SPIDR: variants seen among roughly 807,000 people sequenced by gnomAD.
The protein encoded by SPIDR is scaffold protein involved in DNA repair.
Under a neutral mutation model 104.6 loss-of-function variants are expected in SPIDR, and 93 were observed. That is an observed-to-expected ratio of 0.89 (90% confidence interval 0.75 to 1.06). The LOEUF (loss-of-function observed/expected upper bound fraction) is 1.06, where lower values mean the gene tolerates loss of function less well. Among genes scored for constraint, SPIDR ranks in the 50% least tolerant of loss-of-function variants. The probability of loss-of-function intolerance (pLI) is 0.00; values close to 1 mark genes in which losing one functional copy is unlikely to be tolerated. For synonymous variants in SPIDR, 431 were observed against 416.9 expected (o/e 1.03, Z -0.41); for missense variants, 1,154 against 1,111.2 (o/e 1.04, Z -0.55).
intron 5 of SPIDR, among the ~76,000 whole-genome samples, chr8:47,305,932 T>C (rs960792018): frequency 6.6e-6 from 1 of 152,200 alleles, no homozygotes; most frequent in African/African-American, 2.4e-5. Flanking sequence ...AGAACTCTTT[T>C]CATCTTGTAA....
intron 10 of SPIDR, among the ~76,000 whole-genome samples, chr8:47,609,607 C>A (rs1183097938): frequency 1.3e-5 from 2 of 152,086 alleles, no homozygotes; most frequent in African/African-American, 2.4e-5. Context: ...CATTTCTCCA[C>A]CCTTTGTCTC....
chr8:47,685,520 T>TTTTTTTTTGAGACAGTCTC (rs2077692995), intron 11 of SPIDR, among the ~76,000 whole-genome samples: 1 of 147,732 alleles, frequency 6.8e-6, no homozygotes, highest in African/African-American at 2.5e-5. Flanking sequence ...TTTATTTATT[T>TTTTTTTTTGAGACAGTCTC]TTTTGAGACA....
intron 5 of SPIDR, among the ~76,000 whole-genome samples, chr8:47,343,051 CTT>C: frequency 6.6e-6 from 1 of 152,112 alleles, no homozygotes; most frequent in Admixed American, 6.5e-5. Context: ...CATGTTAACT[CTT>C]AGGAGAAGTT....
intron 8 of SPIDR, among the ~76,000 whole-genome samples, chr8:47,480,445 A>G (rs1414918692): frequency 1.3e-5 from 2 of 152,228 alleles, no homozygotes; most frequent in Non-Finnish European, 2.9e-5. Flanking sequence ...AAGTAATAGC[A>G]TGTACTATTT....
chr8:47,396,736 G>A (rs1472200714), intron 6 of SPIDR, 110 bp downstream of exon 6: 1 of 1,144,476 alleles, frequency 8.7e-7, no homozygotes, highest in Non-Finnish European at 1.2e-6. Context: ...CCTAAATTCT[G>A]GAGCTGATTA....
chr8:47,440,271 A>G lies in SPIDR; in HGVS notation c.878-52A>G. ...TTCATGACACTTTATTCACGCTTGA[A>G]CCATCTGTCTTTTGATTTCATTTTT... On this transcript the variant is annotated intron_variant, in intron 7 of 19. Transcript: ENST00000297423. 4 of 1,503,510 alleles carry G rather than the reference A, an allele frequency of 2.7e-6. No homozygotes were observed. In the South Asian group the frequency reaches 3.4e-5, roughly 13 times the overall value. 93.1% of individuals were successfully genotyped at this position (1,503,510 alleles called of 1,614,324 possible). A position where few individuals can be genotyped will look rare whatever the true frequency, so the allele number is the denominator to read the frequency against.
At chr8:47,613,967 T>C (rs1234998400) in intron 10 of SPIDR, among the ~76,000 whole-genome samples, 1 of 152,152 alleles carries the variant, frequency 6.6e-6, no homozygotes, top group Non-Finnish European at 1.5e-5. Context: ...ACCCATCACC[T>C]GGGTATTAAG....
chr8:47,728,740 T>C (rs1423547517), intron 17 of SPIDR, 193 bp from the exon 18 acceptor site: 1 of 562,330 alleles, frequency 1.8e-6, no homozygotes, highest in Non-Finnish European at 3.0e-6. Context: ...CTCGTGCTAC[T>C]CGAAGCTAAT....
At position 47,685,505 on chromosome 8, in the gene SPIDR, A is replaced by ATTTTTTTTTTTT. The variant is rs201735323; in HGVS notation, c.1685+11567_1685+11568insTTTTTTTTTTTT. On this transcript the variant is annotated intron_variant, in intron 11 of 19. Coordinates refer to ENST00000297423, the MANE Select transcript of SPIDR (RefSeq NM_001080394.4). ...TATTTATTTATTTATTTATTTATTT[A>ATTTTTTTTTTTT]TTTATTTATTTATTTTTTTGAGACA... 2.2e-3 allele frequency among the ~76,000 whole-genome samples: 232 copies of ATTTTTTTTTTTT among 104,342 alleles called. 5 individuals carry two copies. The highest frequency in any genetic ancestry group is 5.4e-3 in the East Asian group (16 of 2,960). 68.5% of individuals were successfully genotyped at this position (104,342 alleles called of 152,430 possible). A position where few individuals can be genotyped will look rare whatever the true frequency, so the allele number is the denominator to read the frequency against.
intron 7 of SPIDR, among the ~76,000 whole-genome samples, chr8:47,416,934 G>A (rs1355957958): frequency 6.6e-6 from 1 of 152,076 alleles, no homozygotes; most frequent in Non-Finnish European, 1.5e-5. Context: ...CTTCATCCAT[G>A]TCCCTACAAA....
At chr8:47,502,102 C>CT (rs1262400840) in intron 8 of SPIDR, among the ~76,000 whole-genome samples, 6 of 152,110 alleles carry the variant, frequency 3.9e-5, no homozygotes, top group Admixed American at 1.3e-4. Context: ...CTAAAATTGT[C>CT]TTTTTTTGTT....
Position 47,279,997 on chromosome 8 carries a change from C to G in SPIDR, c.169C>G (p.Gln57Glu), listed in dbSNP as rs200394743. The G allele has an allele frequency of 1.8e-4, 292 of 1,613,778 alleles. 1 individual carries two copies. The highest frequency in any genetic ancestry group is 1.2e-3 in the Admixed American group (71 of 59,906). Residue 57 changes from glutamine to glutamate, a missense_variant, in exon 2 of 20, where the codon CAG becomes GAG. Gln to Glu is a conservative substitution (Grantham distance 29). Transcript: ENST00000297423. ...EAWLRCGEGF[Q>E]NTSGNPSLTA... is the part of the protein sequence containing the mutation. Reference sequence around the variant, plus strand: ...ATGGCTCAGGTGTGGAGAAGGGTTTCAGAACACTTCTGGGAATCCGGTAAA... The same window carrying G: ...ATGGCTCAGGTGTGGAGAAGGGTTTGAGAACACTTCTGGGAATCCGGTAAA...
At chr8:47,632,812 C>G (rs913503706) in intron 10 of SPIDR, among the ~76,000 whole-genome samples, 1 of 152,152 alleles carries the variant, frequency 6.6e-6, no homozygotes, top group African/African-American at 2.4e-5. Context: ...GCTGGCCTTT[C>G]AGGGGCACGC....
At chr8:47,331,965 C>CTTTTTTTTTTTTTTTTTTTTGTTT (rs2048750319) in intron 5 of SPIDR, among the ~76,000 whole-genome samples, 1 of 32,700 alleles carries the variant, frequency 3.1e-5, no homozygotes, top group Non-Finnish European at 6.6e-5. Flanking sequence ...TTTTTTTAAA[C>CTTTTTTTTTTTTTTTTTTTTGTTT]TTTTTTTTTT....
intron 10 of SPIDR, among the ~76,000 whole-genome samples, chr8:47,663,459 G>A (rs1474453997): frequency 1.3e-5 from 2 of 152,200 alleles, no homozygotes; most frequent in African/African-American, 4.8e-5. Context: ...TGAATGGATG[G>A]ATCATTGATT....
intron 8 of SPIDR, among the ~76,000 whole-genome samples, chr8:47,471,660 C>G (rs984684670): frequency 6.6e-6 from 1 of 152,110 alleles, no homozygotes; most frequent in East Asian, 1.9e-4. Flanking sequence ...CATGTATATA[C>G]TTAATGCCTC....
chr8:47,463,226 T>C (rs1296530146), intron 8 of SPIDR, among the ~76,000 whole-genome samples: 5 of 151,158 alleles, frequency 3.3e-5, no homozygotes, highest in Non-Finnish European at 5.9e-5. Context: ...CTGGGCATGG[T>C]GGTGGGCGCC....
chr8:47,316,701 G>A (rs1209434204), intron 5 of SPIDR, among the ~76,000 whole-genome samples: 1 of 152,174 alleles, frequency 6.6e-6, no homozygotes, highest in African/African-American at 2.4e-5. Flanking sequence ...GTGGGGTGGG[G>A]ATTAATTGCG....
chr8:47,375,017 T>A (rs1554641445), intron 5 of SPIDR, among the ~76,000 whole-genome samples: 2 of 150,808 alleles, frequency 1.3e-5, no homozygotes, highest in African/African-American at 2.4e-5. Context: ...ATCGCACCAC[T>A]GCACTCCAGC....
Sources: gnomAD v4.1 joint callset for allele counts (sites outside exome capture counted in the v4.1 genomes callset) on GRCh38, gnomAD v4.1.1 for gene constraint, MANE v1.5 for transcripts, NCBI Gene and HGNC (gene_info 2026-07-23, HGNC 2026-07-21) for gene names.